Variants in USP43 observed in about 807,000 individuals in gnomAD.
USP43 encodes the protein ubiquitin carboxyl-terminal hydrolase 43.
A neutral mutation model predicts 90.7 loss-of-function variants in USP43; 33 were observed. The ratio of observed to expected loss-of-function variants is 0.36; its 90% CI spans 0.28 to 0.49. The LOEUF is 0.49. Among genes scored for constraint, USP43 ranks in the 20% least tolerant of loss-of-function variants. The pLI, the probability that USP43 is intolerant of heterozygous loss-of-function variation, is 0.98. For synonymous variants in USP43, 598 were observed against 615.8 expected (o/e 0.97, Z 0.43); for missense variants, 1,274 against 1,476.4 (o/e 0.86, Z 2.25).
chr17:9,682,143 A>T (rs1456238595), intron 6 of USP43, among the ~76,000 whole-genome samples: 1 of 152,186 alleles, frequency 6.6e-6, no homozygotes, highest in South Asian at 2.1e-4. Context: ...TATACTTCTT[A>T]TGTTGGCTTT....
Position 9,675,279 on chromosome 17 carries a change from G to T in USP43, c.833+296G>T, listed in dbSNP as rs1001194506. 3.9e-5 allele frequency among the ~76,000 whole-genome samples: 6 copies of T among 152,282 alleles called. No homozygotes were observed. In the East Asian group the frequency reaches 1.2e-3, roughly 29 times the overall value. ...CCATTGGTCTCACTTAGTGAGACAG[G>T]GGCAAACTAGAGAAAATCCGTGGCC... On this transcript the variant is annotated intron_variant, in intron 4 of 14. Coordinates refer to ENST00000285199, the MANE Select transcript of USP43 (RefSeq NM_153210.5).
At chr17:9,675,515 C>A (rs1460422411) in intron 4 of USP43, among the ~76,000 whole-genome samples, 3 of 152,086 alleles carry the variant, frequency 2.0e-5, no homozygotes, top group African/African-American at 7.2e-5. Context: ...TTAGCAGTGA[C>A]CAGGAAGGCA....
At chr17:9,656,349 A>C (rs1285243188) in intron 1 of USP43, 54 bp from the exon 2 acceptor site, 48 of 1,583,332 alleles carry the variant, frequency 3.0e-5, no homozygotes, top group Non-Finnish European at 4.1e-5. Context: ...CAGAGCCTTC[A>C]TTTGGTTGTA....
chr17:9,701,045 G>A lies in USP43; in HGVS notation c.1536-74G>A. The A allele has an allele frequency of 7.1e-7, 1 of 1,417,686 alleles. No individual in the cohort carries two copies. Among genetic ancestry groups the A allele is most frequent in the Non-Finnish European group, 9.2e-7 (1 of 1,084,060 alleles). The allele number at this position is 1,417,686 out of a possible 1,614,324, so 87.8% of individuals were successfully genotyped here. A position where few individuals can be genotyped will look rare whatever the true frequency, so the allele number is the denominator to read the frequency against. Reference sequence around the variant, plus strand: ...GCCAATGTCTGCTGACGGGTTTGCTGTGAGTAGAGACATAGACGAAACCTG... The same window carrying A: ...GCCAATGTCTGCTGACGGGTTTGCTATGAGTAGAGACATAGACGAAACCTG... On this transcript the variant is annotated intron_variant, in intron 10 of 14. Coordinates refer to ENST00000285199, the MANE Select transcript of USP43 (RefSeq NM_153210.5). This position sits in a 1 kb window ranked among gnomAD's most constrained non-coding sequence, Gnocchi z 7.2.
In USP43 at chr17:9,728,115, G is replaced by A; in HGVS notation, c.2497G>A (p.Val833Met). ...EKPPGASVEL[V>M]EYLESRRRPR... is the part of the protein sequence containing the mutation. ...ACCACCAGGTGCCTCCGTCGAGTTG[G>A]TGGAGTACTTGGAATCCAGACGAAG... Residue 833 changes from valine to methionine, a missense_variant, in exon 15 of 15, where the codon GTG (valine) becomes ATG (methionine). Physicochemically the swap from Val to Met is conservative, Grantham distance 21 (BLOSUM62 1). Coordinates refer to ENST00000285199, the MANE Select transcript of USP43 (RefSeq NM_153210.5). This position sits in a 1 kb window ranked among gnomAD's most constrained non-coding sequence, Gnocchi z 6.2. 6.2e-7 allele frequency: 1 copy of A among 1,613,966 alleles called. No individual in the cohort carries two copies. Among genetic ancestry groups the A allele is most frequent in the South Asian group, 1.1e-5 (1 of 91,072 alleles).
At chr17:9,711,911 T>G in intron 13 of USP43, 57 bp from the exon 14 acceptor site, 1 of 1,504,344 alleles carries the variant, frequency 6.6e-7, no homozygotes, top group South Asian at 1.4e-5. Flanking sequence ...GATGCTCCGC[T>G]AGGACTCTGA....
rs1053546016 is a variant in USP43, at chr17:9,709,710, C to T, written c.2012-246C>T. 1.2e-4 allele frequency among the ~76,000 whole-genome samples: 18 copies of T among 151,610 alleles called. No homozygotes were observed. Among genetic ancestry groups the T allele is most frequent in the African/African-American group, 2.9e-4 (12 of 41,212 alleles). ...CAGCCTGGGTGACAGAGCGAAACTC[C>T]GTCTCAAAAATAAATAAAAATAAAT... On this transcript the variant is annotated intron_variant, in intron 12 of 14. Transcript: ENST00000285199. The surrounding 1 kb of genome is among the most constrained non-coding windows in gnomAD (Gnocchi z 5.0).
At position 9,728,275 on chromosome 17, in the gene USP43, G is replaced by T. The variant is rs759972611; in HGVS notation, c.2657G>T (p.Gly886Val). ...SEDGGRAIER[G>V]PAGVPCPSAQ... is the part of the protein sequence containing the mutation. The stretch of plus-strand genomic sequence containing the variant: ...GATGGTGGGCGGGCCATTGAAAGAG[G>T]TCCAGCCGGGGTGCCCTGTCCCTCG... The change falls in exon 15 of 15, where the codon GGT (glycine) becomes GTT (valine). Residue 886 changes from glycine to valine, a missense_variant. Around this residue, in one of 6 missense-constraint regions of USP43, gnomAD observed 353 missense variants for 329.7 expected, o/e 1.07. Coordinates refer to ENST00000285199, the MANE Select transcript of USP43 (RefSeq NM_153210.5). The surrounding 1 kb of genome is among the most constrained non-coding windows in gnomAD (Gnocchi z 6.2). 8.1e-6 allele frequency: 13 copies of T among 1,613,394 alleles called. No homozygotes were observed. The highest frequency in any genetic ancestry group is 2.7e-5 in the African/African-American group (2 of 74,928).
intron 9 of USP43, among the ~76,000 whole-genome samples, chr17:9,694,324 G>A (rs1173530070): frequency 6.6e-6 from 1 of 152,140 alleles, no homozygotes; most frequent in Admixed American, 6.5e-5. Context: ...TTGCTTTACA[G>A]AGTTAGGAAG....
intron 9 of USP43, among the ~76,000 whole-genome samples, chr17:9,696,146 G>T (rs59692454): frequency 0.34 from 51,310 of 151,220 alleles, 10,521 homozygotes; most frequent in East Asian, 0.7. Flanking sequence ...TGTTTTGTTT[G>T]TTTTTTAGAC....
chr17:9,715,315 T>C (rs2065947396), intron 14 of USP43, among the ~76,000 whole-genome samples: 1 of 152,112 alleles, frequency 6.6e-6, no homozygotes, highest in South Asian at 2.1e-4. Context: ...TAGCCAGGCA[T>C]GGTGGCATGT....
intron 5 of USP43, among the ~76,000 whole-genome samples, chr17:9,679,303 G>A (rs375734749): frequency 1.3e-5 from 2 of 151,394 alleles, no homozygotes; most frequent in African/African-American, 2.4e-5. Flanking sequence ...CTGGGCTCAA[G>A]GGATCCTCCC....
chr17:9,719,029 G>A (rs1429859080), intron 14 of USP43, among the ~76,000 whole-genome samples: 6 of 152,176 alleles, frequency 3.9e-5, no homozygotes, highest in Non-Finnish European at 7.3e-5. Flanking sequence ...TCGGGAGGCT[G>A]AGGCAGGAGA....
chr17:9,680,367 G>A lies in USP43; in HGVS notation c.1105+1G>A, dbSNP rs765445654. The A allele has an allele frequency of 1.2e-6, 2 of 1,613,702 alleles. No homozygotes were observed. The highest frequency in any genetic ancestry group is 1.7e-5 in the Admixed American group (1 of 59,954). Reference sequence around the variant, plus strand: ...TCACCCAGCCAGGGGACTCTCTCAGGTATAACAGGTGCTTTGCACAATTTT... The same window carrying A: ...TCACCCAGCCAGGGGACTCTCTCAGATATAACAGGTGCTTTGCACAATTTT... On this transcript the variant is annotated splice_donor_variant, in intron 6 of 14. Transcript: ENST00000285199. LOFTEE classifies it high-confidence loss of function.
intron 1 of USP43, 84 bp downstream of exon 1, chr17:9,646,220 T>C: frequency 2.2e-6 from 3 of 1,350,870 alleles, no homozygotes; most frequent in South Asian, 1.8e-5. Flanking sequence ...AAGGGTTTTC[T>C]TGGGGCCTTC....
chr17:9,677,619 G>C (rs962489146), intron 5 of USP43, among the ~76,000 whole-genome samples: 1 of 152,248 alleles, frequency 6.6e-6, no homozygotes, highest in African/African-American at 2.4e-5. Flanking sequence ...CACATGGCAG[G>C]ATGGGAGCGG....
chr17:9,678,404 T>C (rs1913925541), intron 5 of USP43, among the ~76,000 whole-genome samples: 1 of 152,266 alleles, frequency 6.6e-6, no homozygotes, highest in African/African-American at 2.4e-5. Context: ...GTCGCCAGGC[T>C]GGAGTGCAGT....
intron 6 of USP43, among the ~76,000 whole-genome samples, chr17:9,681,478 AT>A (rs1567661254): frequency 1.3e-4 from 3 of 22,432 alleles, no homozygotes; most frequent in South Asian, 2.4e-3. Context: ...ATATATATAT[AT>A]ATATATATAT....
At chr17:9,656,857 G>A (rs1037853090) in intron 2 of USP43, among the ~76,000 whole-genome samples, 5 of 152,130 alleles carry the variant, frequency 3.3e-5, no homozygotes, top group Admixed American at 6.5e-5. Context: ...CATGAGTACC[G>A]TTCCTTATTA....
Sources: gnomAD v4.1 joint callset for allele counts (sites outside exome capture counted in the v4.1 genomes callset) on GRCh38, gnomAD v4.1.1 for gene constraint, gnomAD v4.1.1 regional missense constraint, Gnocchi (gnomAD v3.1) non-coding constraint, MANE v1.5 for transcripts, NCBI Gene and HGNC (gene_info 2026-07-23, HGNC 2026-07-21) for gene names.